Variants in GMDS observed in about 807,000 individuals in gnomAD.
GMDS encodes the protein GDP-mannose 4,6 dehydratase.
A neutral mutation model predicts 49.9 loss-of-function variants in GMDS; 20 were observed. That is an observed-to-expected ratio of 0.40 (90% CI 0.28 to 0.58). The LOEUF is 0.58. Among genes scored for constraint, GMDS ranks in the 20% least tolerant of loss-of-function variants. The pLI, the probability that GMDS is intolerant of heterozygous loss-of-function variation, is 0.42. For synonymous variants in GMDS, 177 were observed against 178.6 expected, an observed-to-expected ratio of 0.99 and a Z score of 0.07; for missense variants, 362 against 481.4, an observed-to-expected ratio of 0.75 and a Z score of 2.32.
At chr6:2,091,061 A>C (rs1167549067) in intron 4 of GMDS, among the ~76,000 whole-genome samples, 3 of 152,136 alleles carry the variant, frequency 2.0e-5, no homozygotes, top group African/African-American at 7.2e-5. Flanking sequence ...GTTGCCAACT[A>C]AATTGCTTCT....
intron 1 of GMDS, among the ~76,000 whole-genome samples, chr6:2,189,414 G>A (rs887776358): frequency 5.9e-5 from 9 of 152,114 alleles, no homozygotes; most frequent in South Asian, 2.1e-4. Context: ...TCTTATATGC[G>A]GAGGGTTAAT....
At position 1,712,741 on chromosome 6, in the gene GMDS, A is replaced by C. The variant is rs142071537; in HGVS notation, c.987+13675T>G. Among the ~76,000 whole-genome samples, 746 of 152,322 alleles carry C rather than the reference A, an allele frequency of 4.9e-3. 8 individuals carry two copies. The highest frequency in any genetic ancestry group is 0.016 in the African/African-American group (683 of 41,552). Reference sequence around the variant, plus strand: ...CTGAAAAAGTTATAAAGATGGAGAAAGGGAAAAAGCAAAAGGGTTGAATTC... The same window carrying C: ...CTGAAAAAGTTATAAAGATGGAGAACGGGAAAAAGCAAAAGGGTTGAATTC... On this transcript the variant is annotated intron_variant, in intron 9 of 10. Transcript: ENST00000380815.
intron 7 of GMDS, among the ~76,000 whole-genome samples, chr6:1,915,218 C>T (rs1178488712): frequency 3.3e-5 from 5 of 152,196 alleles, no homozygotes; most frequent in Non-Finnish European, 7.3e-5. Context: ...AGTTGAGCAC[C>T]GGGGTTCAAG....
intron 1 of GMDS, among the ~76,000 whole-genome samples, chr6:2,125,288 A>C (rs1241079090): frequency 4.6e-5 from 7 of 152,080 alleles, no homozygotes; most frequent in Non-Finnish European, 1.0e-4. Flanking sequence ...AACAAAACAA[A>C]ACAAAACAAA....
At chr6:2,031,702 C>T (rs773975261) in intron 4 of GMDS, among the ~76,000 whole-genome samples, 18 of 152,094 alleles carry the variant, frequency 1.2e-4, no homozygotes, top group Non-Finnish European at 2.1e-4. Context: ...GGGCTCAGGG[C>T]ATTCCTGGTG....
intron 1 of GMDS, among the ~76,000 whole-genome samples, chr6:2,204,968 C>T (rs538164352): frequency 6.6e-6 from 1 of 152,278 alleles, no homozygotes; most frequent in East Asian, 1.9e-4. Context: ...TCAATCTATA[C>T]TATGTGTGGT....
chr6:2,216,061 G>A (rs1287900087), intron 1 of GMDS, among the ~76,000 whole-genome samples: 1 of 152,046 alleles, frequency 6.6e-6, no homozygotes, highest in Non-Finnish European at 1.5e-5. Context: ...GTATGTGGGG[G>A]CTCACTATAC....
chr6:1,862,217 G>A (rs1003498659), intron 7 of GMDS, among the ~76,000 whole-genome samples: 1 of 152,160 alleles, frequency 6.6e-6, no homozygotes, highest in African/African-American at 2.4e-5. Flanking sequence ...GTTGTTTGAT[G>A]ACTTAAGCTC....
intron 4 of GMDS, among the ~76,000 whole-genome samples, chr6:2,036,904 G>A (rs766317451): frequency 1.8e-4 from 28 of 152,120 alleles, no homozygotes; most frequent in South Asian, 4.1e-4. Flanking sequence ...ACACACTTTC[G>A]TAAGTAAGGT....
chr6:2,158,033 C>T (rs1218685929), intron 1 of GMDS, among the ~76,000 whole-genome samples: 2 of 152,128 alleles, frequency 1.3e-5, no homozygotes, highest in African/African-American at 2.4e-5. Context: ...AAAAACAAAC[C>T]TCAGCCCCCA....
At chr6:1,865,911 A>T (rs1758420084) in intron 7 of GMDS, among the ~76,000 whole-genome samples, 1 of 152,146 alleles carries the variant, frequency 6.6e-6, no homozygotes, top group African/African-American at 2.4e-5. Flanking sequence ...GCATGGCTAT[A>T]TATACAGCCC....
intron 1 of GMDS, among the ~76,000 whole-genome samples, chr6:2,179,560 C>G (rs571622110): frequency 6.6e-6 from 1 of 152,316 alleles, no homozygotes; most frequent in Admixed American, 6.5e-5. Flanking sequence ...GATGCCATGA[C>G]TAGGCACCAT....
intron 8 of GMDS, among the ~76,000 whole-genome samples, chr6:1,728,712 G>A (rs1055327728): frequency 3.3e-5 from 5 of 152,186 alleles, no homozygotes; most frequent in Non-Finnish European, 4.4e-5. Flanking sequence ...GACTGAGGCC[G>A]TGCCTGAGGG....
At chr6:2,161,560 G>C (rs1777401826) in intron 1 of GMDS, among the ~76,000 whole-genome samples, 1 of 152,164 alleles carries the variant, frequency 6.6e-6, no homozygotes, top group Non-Finnish European at 1.5e-5. Context: ...TTCAATTTGG[G>C]TGTACTTGAG....
intron 4 of GMDS, among the ~76,000 whole-genome samples, chr6:1,978,635 G>A (rs1765052946): frequency 6.6e-6 from 1 of 152,208 alleles, no homozygotes; most frequent in Non-Finnish European, 1.5e-5. Flanking sequence ...GAGCGCCTGA[G>A]TGGTGGGGCA....
chr6:2,012,842 A>G (rs1006979480), intron 4 of GMDS, among the ~76,000 whole-genome samples: 2 of 152,156 alleles, frequency 1.3e-5, no homozygotes, highest in Admixed American at 1.3e-4. Flanking sequence ...GAGCTCCAAG[A>G]CAGTCTTTAC....
intron 9 of GMDS, among the ~76,000 whole-genome samples, chr6:1,670,294 A>G (rs1432056928): frequency 1.3e-5 from 2 of 152,046 alleles, no homozygotes; most frequent in African/African-American, 4.8e-5. Flanking sequence ...GTTGCATACG[A>G]CTTTCAGAAG....
Position 2,152,904 on chromosome 6 carries a change from G to T in GMDS, c.103-28173C>A, listed in dbSNP as rs73418788. On this transcript the variant is annotated intron_variant, in intron 1 of 10. Transcript: ENST00000380815. ...TAGATACAGTCCCAAATACATACAG[G>T]AATGTAGTATAAGATAAAGGTAGCA... 2.8e-3 allele frequency among the ~76,000 whole-genome samples: 422 copies of T among 152,062 alleles called. 3 individuals carry two copies. Among genetic ancestry groups the T allele is most frequent in the African/African-American group, 9.6e-3 (400 of 41,492 alleles).
intron 7 of GMDS, among the ~76,000 whole-genome samples, chr6:1,781,443 T>C (rs139889797): frequency 1.5e-3 from 234 of 152,356 alleles, no homozygotes; most frequent in African/African-American, 5.5e-3. Context: ...CTTCTAGCCC[T>C]CTGCTCCTCA....
Sources: allele counts gnomAD v4.1 joint callset (sites outside exome capture counted in the v4.1 genomes callset), GRCh38; gene constraint gnomAD v4.1.1; transcripts MANE v1.5; gene names NCBI Gene and HGNC (gene_info 2026-07-23, HGNC 2026-07-21).